The following POMT2 variants were observed in gnomAD, a reference collection of about 807,000 sequenced individuals.
POMT2 encodes the protein protein O-mannosyltransferase 2, also known as protein O-mannosyl-transferase 2.
A neutral mutation model predicts 100.0 loss-of-function variants in POMT2; 75 were observed. The observed-to-expected ratio is 0.75, with a 90% confidence interval of 0.62 to 0.91. The LOEUF is 0.91. Ranked by LOEUF, POMT2 falls within the 40% of genes least tolerant of loss-of-function variation. POMT2 has a pLI of 0.00. For synonymous variants in POMT2, 378 were observed against 374.1 expected, an observed-to-expected ratio of 1.01 and a Z score of -0.12; for missense variants, 940 against 955.1, an observed-to-expected ratio of 0.98 and a Z score of 0.21.
chr14:77,279,428 G>A (rs902484118), intron 18 of POMT2: 1 of 436,624 alleles, frequency 2.3e-6, no homozygotes, highest in African/African-American at 2.0e-5. Context: ...CAGGGCCATG[G>A]AACAAGGAGG....
intron 2 of POMT2, among the ~76,000 whole-genome samples, chr14:77,310,888 C>A (rs2139515101): frequency 6.6e-6 from 1 of 152,340 alleles, no homozygotes; most frequent in Non-Finnish European, 1.5e-5. Flanking sequence ...AATCCCAACA[C>A]TTTGGGAGGC....
intron 2 of POMT2, among the ~76,000 whole-genome samples, chr14:77,310,377 G>C (rs1008364803): frequency 6.6e-6 from 1 of 152,152 alleles, no homozygotes; most frequent in African/African-American, 2.4e-5. Flanking sequence ...TACTTTATAA[G>C]GTTGTTCTGA....
chr14:77,291,261 G>T lies in POMT2; in HGVS notation c.1183+53C>A, dbSNP rs1179690238. 3 of 1,563,906 alleles carry T rather than the reference G, an allele frequency of 1.9e-6. No homozygotes were observed. The African/African-American group carries it at 4.0e-5, about 21-fold the overall frequency. ...TTTTGCAGGCATGAGAAATCTTAAGGAGGGCTCAGAGGGAGTAACAGCACA... is the reference window on the plus strand; with the variant it reads ...TTTTGCAGGCATGAGAAATCTTAAGTAGGGCTCAGAGGGAGTAACAGCACA... On this transcript the variant is annotated intron_variant, in intron 10 of 20. Coordinates refer to ENST00000261534, the MANE Select transcript of POMT2 (RefSeq NM_013382.7).
intron 1 of POMT2, among the ~76,000 whole-genome samples, chr14:77,313,053 T>C (rs61990304): frequency 0.033 from 5,000 of 152,278 alleles, 113 homozygotes; most frequent in Non-Finnish European, 0.052. Flanking sequence ...CACATACACC[T>C]TTCTACACCA....
intron 5 of POMT2, among the ~76,000 whole-genome samples, chr14:77,302,043 A>G (rs1891062916): frequency 6.6e-6 from 1 of 152,222 alleles, no homozygotes; most frequent in South Asian, 2.1e-4. Context: ...TGGATGTGGC[A>G]TAAGCACAAC....
At chr14:77,309,663 GA>G (rs1891367714) in intron 2 of POMT2, among the ~76,000 whole-genome samples, 1 of 152,032 alleles carries the variant, frequency 6.6e-6, no homozygotes, top group Non-Finnish European at 1.5e-5. Flanking sequence ...GCAAGGCTTT[GA>G]TATAATATTA....
intron 10 of POMT2, among the ~76,000 whole-genome samples, chr14:77,289,914 G>A (rs949140266): frequency 6.6e-6 from 1 of 152,080 alleles, no homozygotes; most frequent in African/African-American, 2.4e-5. Flanking sequence ...AATTGATCAA[G>A]GTCAGGAAAG....
intron 9 of POMT2, among the ~76,000 whole-genome samples, chr14:77,291,953 C>T (rs1339130256): frequency 6.6e-6 from 1 of 152,098 alleles, no homozygotes; most frequent in African/African-American, 2.4e-5. Flanking sequence ...TCGCTTGAAC[C>T]TAGGAGGCAG....
At position 77,305,281 on chromosome 14, in the gene POMT2, C is replaced by T. The variant is rs116545062; in HGVS notation, c.439-481G>A. ...ACACCAGAAACCAGTCTTTAATCTA[C>T]ACAATGTATGTATTTTGATTTTGGG... On this transcript the variant is annotated intron_variant, in intron 3 of 20. Transcript: ENST00000261534. Among the ~76,000 whole-genome samples, 21 of 152,326 alleles carry T rather than the reference C, an allele frequency of 1.4e-4. 1 individual carries two copies. Among genetic ancestry groups the T allele is most frequent in the African/African-American group, 5.1e-4 (21 of 41,574 alleles).
At position 77,320,620 on chromosome 14, in the gene POMT2, C is replaced by A; in HGVS notation, c.62G>T (p.Cys21Phe). 1 of 1,590,332 alleles carries A rather than the reference C, an allele frequency of 6.3e-7. No homozygotes were observed. ...TGCGGCCCTAGCAGCCTGGGGGCCA[C>A]AGCGGCCCCTCCGGGGACGCAGCTC... ...ESELRPRRGR[C>F]GPQAARAAGR... The change falls in exon 1 of 21, where the codon TGT (cysteine) becomes TTT (phenylalanine). Residue 21 changes from cysteine to phenylalanine, a missense_variant. Cys to Phe is a radical substitution (Grantham distance 205, BLOSUM62 -2). Transcript: ENST00000261534.
At chr14:77,316,827 G>T (rs376345554) in intron 1 of POMT2, among the ~76,000 whole-genome samples, 107 of 152,302 alleles carry the variant, frequency 7.0e-4, no homozygotes, top group African/African-American at 2.5e-3. Flanking sequence ...GATAACTCTG[G>T]ATGGCTGATG....
At chr14:77,299,719 G>A in intron 6 of POMT2, 158 bp from the exon 7 acceptor site, 1 of 640,006 alleles carries the variant, frequency 1.6e-6, no homozygotes. Flanking sequence ...AAGCCTTTCT[G>A]TAACACCCAC....
intron 20 of POMT2, 69 bp from the exon 21 acceptor site, chr14:77,277,550 T>G: frequency 8.3e-7 from 1 of 1,206,130 alleles, no homozygotes; most frequent in Non-Finnish European, 1.2e-6. Flanking sequence ...TTGAATTCCA[T>G]TCCTCCTGCT....
Position 77,278,717 on chromosome 14 carries a change from G to A in POMT2, c.2032+12C>T, listed in dbSNP as rs1890080960. On this transcript the variant is annotated intron_variant, in intron 19 of 20. Coordinates refer to ENST00000261534, the MANE Select transcript of POMT2 (RefSeq NM_013382.7). ...CTGCTCTGTCTCCCAAGTCCAGGTG[G>A]GTGGCACTGACCTGTCAACATGCTT... 1.2e-6 allele frequency: 2 copies of A among 1,613,672 alleles called. No individual in the cohort carries two copies. Among genetic ancestry groups the A allele is most frequent in the Non-Finnish European group, 1.7e-6 (2 of 1,179,918 alleles).
At chr14:77,305,113 G>T (rs1891179561) in intron 3 of POMT2, among the ~76,000 whole-genome samples, 1 of 151,874 alleles carries the variant, frequency 6.6e-6, no homozygotes, top group Non-Finnish European at 1.5e-5. Context: ...TAGAGAGAAG[G>T]GAAGAAAATG....
chr14:77,279,647 G>A (rs1452727727), intron 18 of POMT2, 176 bp downstream of exon 18: 2 of 718,460 alleles, frequency 2.8e-6, no homozygotes, highest in Non-Finnish European at 5.0e-6. Context: ...AGGAAGTAAA[G>A]TGTTTAACAC....
intron 2 of POMT2, among the ~76,000 whole-genome samples, chr14:77,307,157 T>A (rs1258670865): frequency 6.6e-6 from 1 of 152,220 alleles, no homozygotes; most frequent in Non-Finnish European, 1.5e-5. Flanking sequence ...AATTCTATTT[T>A]TCACACAAGC....
chr14:77,296,382 C>T, intron 8 of POMT2, 109 bp from the exon 9 acceptor site: 1 of 753,862 alleles, frequency 1.3e-6, no homozygotes, highest in Admixed American at 2.0e-5. Flanking sequence ...CTGCGAGACT[C>T]CCCTGGGCCC....
chr14:77,316,687 C>T (rs74926398), intron 1 of POMT2, among the ~76,000 whole-genome samples: 8,094 of 152,132 alleles, frequency 0.053, 261 homozygotes, highest in South Asian at 0.08. Flanking sequence ...TACCTGAAGC[C>T]GAGCTGCTGT....
Sources: allele counts gnomAD v4.1 joint callset (sites outside exome capture counted in the v4.1 genomes callset), GRCh38; gene constraint gnomAD v4.1.1; transcripts MANE v1.5; gene names NCBI Gene and HGNC (gene_info 2026-07-23, HGNC 2026-07-21).